Variants in EEF1AKMT2 observed in about 807,000 individuals in gnomAD.
The protein encoded by EEF1AKMT2 is eukaryotic translation elongation factor 1 alpha lysine methyltransferase 2.
A neutral mutation model predicts 35.8 loss-of-function variants in EEF1AKMT2; 32 were observed. The observed-to-expected ratio is 0.89, with a 90% CI of 0.67 to 1.20. The LOEUF (loss-of-function observed/expected upper bound fraction) is 1.20. Among genes scored for constraint, EEF1AKMT2 ranks in the 50% most tolerant of loss-of-function variants. The pLI is 0.00. For missense variants in EEF1AKMT2, 330 were observed against 347.5 expected, an observed-to-expected ratio of 0.95 and a Z score of 0.40; for synonymous variants, 121 against 133.7, an observed-to-expected ratio of 0.91 and a Z score of 0.65.
chr10:124,771,685 C>T (rs370154846), intron 4 of EEF1AKMT2, among the ~76,000 whole-genome samples: 18 of 151,624 alleles, frequency 1.2e-4, no homozygotes, highest in Non-Finnish European at 1.2e-4. Flanking sequence ...CTGGCTAACA[C>T]GGTGAAACCC....
At chr10:124,786,522 A>T (rs894523838) in intron 3 of EEF1AKMT2, among the ~76,000 whole-genome samples, 1 of 150,292 alleles carries the variant, frequency 6.7e-6, no homozygotes, top group Non-Finnish European at 1.5e-5. Flanking sequence ...AAAAAAAAGA[A>T]GTTCAGGCCA....
chr10:124,788,893 CATGTA>C, intron 3 of EEF1AKMT2, 145 bp downstream of exon 3: 1 of 583,982 alleles, frequency 1.7e-6, no homozygotes, highest in Non-Finnish European at 3.0e-6. Flanking sequence ...TCTCACAATC[CATGTA>C]GCCTCCCTTT....
rs756825800 is a variant in EEF1AKMT2, at chr10:124,760,046, T to C, written c.*457A>G. The C allele has an allele frequency of 7.4e-5, 16 of 217,008 alleles. No individual in the cohort carries two copies. Among genetic ancestry groups the C allele is most frequent in the Admixed American group, 1.1e-4 (2 of 17,466 alleles). The allele number at this position is 217,008 out of a possible 1,614,324, so 13.4% of individuals were successfully genotyped here. A position where few individuals can be genotyped will look rare whatever the true frequency, so the allele number is the denominator to read the frequency against. On this transcript the variant is annotated 3_prime_UTR_variant, in exon 7 of 7. Transcript: ENST00000368836. Reference sequence around the variant, plus strand: ...CTGATGCTGGAATAATTTGGTCAAATATTCATAAATAGTTATCAACTTTAC... The same window carrying C: ...CTGATGCTGGAATAATTTGGTCAAACATTCATAAATAGTTATCAACTTTAC...
At position 124,780,099 on chromosome 10, in the gene EEF1AKMT2, AT is replaced by A. The variant is rs781731584; in HGVS notation, c.292-5318del. On this transcript the variant is annotated intron_variant, in intron 3 of 6. Coordinates refer to ENST00000368836, the MANE Select transcript of EEF1AKMT2 (RefSeq NM_212554.4). ...AAAAACAAAAAGAAACAGAATAAAT[AT>A]TTTAGGCTTTGCCAGCCATACAGTC... Among the ~76,000 whole-genome samples the A allele has an allele frequency of 7.9e-5, 12 of 152,240 alleles. No individual in the cohort carries two copies. In the South Asian group the frequency reaches 1.0e-3, roughly 13 times the overall value.
rs1334534613 is a variant in EEF1AKMT2 at position 124,791,784 on chromosome 10, G to C, written c.50C>G (p.Ser17Trp). ...GGGGAAVAAR[S>W]DKGSPGEDGF... Reference sequence around the variant, plus strand: ...GTCCTCCCCGGGACTGCCCTTGTCCGACCGCGCCGCCACCGCAGCGCCACC... The same window carrying C: ...GTCCTCCCCGGGACTGCCCTTGTCCCACCGCGCCGCCACCGCAGCGCCACC... The change falls in exon 1 of 7, where the codon TCG (serine) becomes TGG (tryptophan). Residue 17 changes from serine (S) to tryptophan (W), a missense_variant. Ser to Trp is a radical substitution (Grantham distance 177). Transcript: ENST00000368836. The C allele has an allele frequency of 3.1e-6, 5 of 1,592,932 alleles. No homozygotes were observed. Among genetic ancestry groups the C allele is most frequent in the Non-Finnish European group, 4.3e-6 (5 of 1,174,374 alleles).
intron 3 of EEF1AKMT2, among the ~76,000 whole-genome samples, chr10:124,776,675 A>G (rs1022001288): frequency 6.6e-5 from 10 of 151,798 alleles, no homozygotes; most frequent in Admixed American, 5.9e-4. Flanking sequence ...AGTGCCTGTA[A>G]TCCCAGCTAC....
chr10:124,783,819 ATTATT>A (rs1310461072), intron 3 of EEF1AKMT2, among the ~76,000 whole-genome samples: 4 of 151,258 alleles, frequency 2.6e-5, no homozygotes, highest in Non-Finnish European at 4.4e-5. Context: ...ACCTGGCTAA[ATTATT>A]TTATTTTATT....
intron 3 of EEF1AKMT2, among the ~76,000 whole-genome samples, chr10:124,778,646 C>A (rs753546991): frequency 1.3e-4 from 20 of 151,886 alleles, no homozygotes; most frequent in Non-Finnish European, 2.8e-4. Flanking sequence ...ATCACTTGAA[C>A]CCCGGAAGCA....
intron 5 of EEF1AKMT2, among the ~76,000 whole-genome samples, chr10:124,764,516 C>T (rs1950360004): frequency 6.6e-6 from 1 of 151,640 alleles, no homozygotes; most frequent in African/African-American, 2.4e-5. Context: ...CACAAGATCT[C>T]CACTAAGTAG....
At chr10:124,773,340 C>T (rs538198097) in intron 4 of EEF1AKMT2, among the ~76,000 whole-genome samples, 2 of 152,194 alleles carry the variant, frequency 1.3e-5, no homozygotes, top group East Asian at 3.9e-4. Flanking sequence ...CAGTCTCCCT[C>T]TGTTGTCCAG....
At chr10:124,756,886 C>T (rs907358837), downstream of EEF1AKMT2, among the ~76,000 whole-genome samples, 7 of 152,146 alleles carry the variant, frequency 4.6e-5, no homozygotes, top group African/African-American at 1.7e-4. Context: ...ACTTTTCTAA[C>T]AAATTGCATG....
In EEF1AKMT2 at chr10:124,781,674, G is replaced by A. The variant is rs1372835182; in HGVS notation, c.292-6892C>T. 4.1e-5 allele frequency among the ~76,000 whole-genome samples: 6 copies of A among 144,992 alleles called. No individual in the cohort carries two copies. In the South Asian group the frequency reaches 6.4e-4, roughly 15 times the overall value. ...GAAGGTGAAATAAAGCTATTCTCAG[G>A]TAAAGGAAAACAAAAAAAATTTGTT... On this transcript the variant is annotated intron_variant, in intron 3 of 6. Transcript: ENST00000368836.
At chr10:124,785,195 C>T (rs1425197357) in intron 3 of EEF1AKMT2, among the ~76,000 whole-genome samples, 17 of 130,298 alleles carry the variant, frequency 1.3e-4, no homozygotes, top group African/African-American at 4.7e-4. Context: ...TGCAGTGAGC[C>T]AAGATCATGC....
At chr10:124,769,248 A>ATATATGTGTG (rs60863408) in intron 4 of EEF1AKMT2, among the ~76,000 whole-genome samples, 40 of 63,804 alleles carry the variant, frequency 6.3e-4, no homozygotes, top group Admixed American at 8.3e-4. Context: ...ATATATATAT[A>ATATATGTGTG]TGTGTGTATA....
chr10:124,771,682 A>AC (rs372490720), intron 4 of EEF1AKMT2, among the ~76,000 whole-genome samples: 84 of 151,956 alleles, frequency 5.5e-4, no homozygotes, highest in Middle Eastern at 3.4e-3. Context: ...ACCCTGGCTA[A>AC]CACGGTGAAA....
intron 3 of EEF1AKMT2, among the ~76,000 whole-genome samples, chr10:124,782,645 G>C (rs1298624618): frequency 1.4e-5 from 2 of 143,930 alleles, no homozygotes; most frequent in East Asian, 4.2e-4. Context: ...AACCCCGTCT[G>C]TACTAAAAAT....
At chr10:124,780,199 G>A (rs1950528520) in intron 3 of EEF1AKMT2, among the ~76,000 whole-genome samples, 1 of 152,182 alleles carries the variant, frequency 6.6e-6, no homozygotes, top group African/African-American at 2.4e-5. Context: ...AATAAATGTG[G>A]CTGTATTCCA....
chr10:124,770,445 A>T (rs1950421584), intron 4 of EEF1AKMT2, among the ~76,000 whole-genome samples: 1 of 152,150 alleles, frequency 6.6e-6, no homozygotes, highest in South Asian at 2.1e-4. Flanking sequence ...TTGTTAAAAA[A>T]ACACTAACAA....
At chr10:124,764,082 C>A (rs1950355889) in intron 5 of EEF1AKMT2, among the ~76,000 whole-genome samples, 1 of 152,056 alleles carries the variant, frequency 6.6e-6, no homozygotes, top group Admixed American at 6.6e-5. Flanking sequence ...AGTGTTCTCC[C>A]AGCCTGTTCC....
Sources: allele counts gnomAD v4.1 joint callset (sites outside exome capture counted in the v4.1 genomes callset), GRCh38; gene constraint gnomAD v4.1.1; transcripts MANE v1.5; gene names NCBI Gene and HGNC (gene_info 2026-07-23, HGNC 2026-07-21).